The following PLCB1 variants were observed in gnomAD, a reference collection of about 807,000 sequenced individuals.
The protein encoded by PLCB1 is 1-phosphatidylinositol 4,5-bisphosphate phosphodiesterase beta-1.
Under a neutral mutation model 161.8 loss-of-function variants are expected in PLCB1, and 46 were observed. The ratio of observed to expected loss-of-function variants is 0.28; its 90% CI spans 0.22 to 0.36. The LOEUF (loss-of-function observed/expected upper bound fraction) is 0.36. Among genes scored for constraint, PLCB1 ranks in the 10% least tolerant of loss-of-function variants. The pLI, the probability that PLCB1 is intolerant of heterozygous loss-of-function variation, is 1.00. For missense variants in PLCB1, 1,016 were observed against 1,472.5 expected, an observed-to-expected ratio of 0.69 and a Z score of 5.07; for synonymous variants, 517 against 503.7, an observed-to-expected ratio of 1.03 and a Z score of -0.35.
In PLCB1 at chr20:8,218,372, T is replaced by C. The variant is rs775521679; in HGVS notation, c.177+68001T>C. Among the ~76,000 whole-genome samples, 72 of 152,102 alleles carry C rather than the reference T, an allele frequency of 4.7e-4. 1 individual carries two copies. Among genetic ancestry groups the C allele is most frequent in the Non-Finnish European group, 3.7e-4 (25 of 68,010 alleles). On this transcript the variant is annotated intron_variant, in intron 2 of 31. Coordinates refer to ENST00000338037, the MANE Select transcript of PLCB1 (RefSeq NM_015192.4). Reference sequence around the variant, plus strand: ...AGTGGTAGAGCTAACAGTTTTCATATAACAAACTTGCCTCTTTTTCCCCAA... The same window carrying C: ...AGTGGTAGAGCTAACAGTTTTCATACAACAAACTTGCCTCTTTTTCCCCAA...
chr20:8,831,951 T>TTTCTTTCTTTCC (rs1986023374), intron 31 of PLCB1, among the ~76,000 whole-genome samples: 1 of 105,602 alleles, frequency 9.5e-6, no homozygotes, highest in African/African-American at 3.6e-5. Context: ...TCTTTCTTTC[T>TTTCTTTCTTTCC]TTCTTTCTTT....
At chr20:8,820,583 T>A (rs898562245) in intron 31 of PLCB1, among the ~76,000 whole-genome samples, 5 of 152,126 alleles carry the variant, frequency 3.3e-5, no homozygotes, top group African/African-American at 4.8e-5. Flanking sequence ...ATTATCTAGT[T>A]AAGTTGAAGG....
chr20:8,435,623 C>T (rs1156287564), intron 3 of PLCB1, among the ~76,000 whole-genome samples: 1 of 152,126 alleles, frequency 6.6e-6, no homozygotes, highest in Non-Finnish European at 1.5e-5. Context: ...AGCCAGAGCC[C>T]TCAGTCACAG....
At chr20:8,140,408 A>G (rs1210047294) in intron 1 of PLCB1, among the ~76,000 whole-genome samples, 1 of 152,190 alleles carries the variant, frequency 6.6e-6, no homozygotes, top group Non-Finnish European at 1.5e-5. Context: ...TAAATATAAT[A>G]ATCATCTAAG....
intron 23 of PLCB1, among the ~76,000 whole-genome samples, chr20:8,745,602 T>C (rs1221190645): frequency 2.6e-5 from 4 of 151,902 alleles, no homozygotes; most frequent in Non-Finnish European, 5.9e-5. Context: ...GATTATATTA[T>C]ACATATATTA....
At chr20:8,381,917 AT>A (rs199824979) in intron 3 of PLCB1, among the ~76,000 whole-genome samples, 2 of 151,678 alleles carry the variant, frequency 1.3e-5, no homozygotes, top group Non-Finnish European at 2.9e-5. Flanking sequence ...GGATTCATTG[AT>A]TTTTTTTGGA....
In PLCB1 at chr20:8,668,142, G is replaced by GA. The variant is rs1180110774; in HGVS notation, c.862+9449dup. ...GTGGGAGGGAAATAGGTCGAATGCAGAAAAAAAAAAAGCAAACCACAGGGA... is the reference window on the plus strand; with the variant it reads ...GTGGGAGGGAAATAGGTCGAATGCAGAAAAAAAAAAAAGCAAACCACAGGGA... On this transcript the variant is annotated intron_variant, in intron 9 of 31. Transcript: ENST00000338037. Among the ~76,000 whole-genome samples, 885 of 141,978 alleles carry GA rather than the reference G, an allele frequency of 6.2e-3. 1 individual carries two copies. The highest frequency in any genetic ancestry group is 0.01 in the Non-Finnish European group (652 of 64,992). The allele number at this position is 141,978 out of a possible 152,430, so 93.1% of individuals were successfully genotyped here.
chr20:8,174,063 T>A (rs1568578284), intron 2 of PLCB1, among the ~76,000 whole-genome samples: 1 of 152,120 alleles, frequency 6.6e-6, no homozygotes, highest in African/African-American at 2.4e-5. Context: ...CCAGGGGAAT[T>A]GGGCTGAGGA....
intron 2 of PLCB1, among the ~76,000 whole-genome samples, chr20:8,152,474 A>G (rs1268732519): frequency 1.3e-5 from 2 of 152,108 alleles, no homozygotes; most frequent in Non-Finnish European, 2.9e-5. Flanking sequence ...TGGCATGCCA[A>G]GCTTTTAGTG....
At chr20:8,586,332 T>C (rs970676762) in intron 3 of PLCB1, among the ~76,000 whole-genome samples, 1 of 149,550 alleles carries the variant, frequency 6.7e-6, no homozygotes, top group Non-Finnish European at 1.5e-5. Context: ...ACTTCTTCTT[T>C]TTCTTTTTTA....
intron 9 of PLCB1, among the ~76,000 whole-genome samples, chr20:8,664,137 A>C (rs959336024): frequency 1.2e-4 from 18 of 152,116 alleles, no homozygotes; most frequent in African/African-American, 4.3e-4. Context: ...TAAATAATTG[A>C]ATTAATGTAG....
chr20:8,289,823 T>G (rs1467279880), intron 2 of PLCB1, among the ~76,000 whole-genome samples: 2 of 152,164 alleles, frequency 1.3e-5, no homozygotes, highest in East Asian at 1.9e-4. Context: ...CTCCCATGAC[T>G]CCAAACCATT....
At chr20:8,379,383 G>C (rs1256441916) in intron 3 of PLCB1, among the ~76,000 whole-genome samples, 1 of 152,132 alleles carries the variant, frequency 6.6e-6, no homozygotes, top group Non-Finnish European at 1.5e-5. Flanking sequence ...CCCTAACTTT[G>C]CTATTGTAAG....
At chr20:8,522,517 A>G (rs139334783) in intron 3 of PLCB1, among the ~76,000 whole-genome samples, 3 of 152,208 alleles carry the variant, frequency 2.0e-5, no homozygotes, top group East Asian at 3.9e-4. Flanking sequence ...TTTCTCCCCA[A>G]CTGACACACG....
intron 3 of PLCB1, among the ~76,000 whole-genome samples, chr20:8,412,517 C>T (rs1979089921): frequency 6.6e-6 from 1 of 152,172 alleles, no homozygotes; most frequent in East Asian, 1.9e-4. Context: ...TCAAATTATG[C>T]AGTAAGAGAA....
chr20:8,826,823 T>A (rs1052558920), intron 31 of PLCB1, among the ~76,000 whole-genome samples: 1 of 152,226 alleles, frequency 6.6e-6, no homozygotes, highest in Admixed American at 6.5e-5. Flanking sequence ...ACAGGTATGC[T>A]AAATGGTTGT....
At chr20:8,770,370 C>A (rs2146198827) in intron 26 of PLCB1, among the ~76,000 whole-genome samples, 1 of 152,334 alleles carries the variant, frequency 6.6e-6, no homozygotes, top group East Asian at 1.9e-4. Flanking sequence ...GTTACACAGC[C>A]AGTTCAAGCA....
intron 24 of PLCB1, among the ~76,000 whole-genome samples, chr20:8,759,394 C>T (rs1981900837): frequency 6.6e-6 from 1 of 152,174 alleles, no homozygotes; most frequent in Non-Finnish European, 1.5e-5. Context: ...TGCAAATATC[C>T]TGTTCTTCCT....
chr20:8,137,569 T>C (rs1033903537), intron 1 of PLCB1, among the ~76,000 whole-genome samples: 1 of 152,334 alleles, frequency 6.6e-6, no homozygotes, highest in Admixed American at 6.5e-5. Flanking sequence ...CATAACTCTT[T>C]TGCAAGCAAA....
Sources: allele counts gnomAD v4.1 joint callset (sites outside exome capture counted in the v4.1 genomes callset), GRCh38; gene constraint gnomAD v4.1.1; transcripts MANE v1.5; gene names NCBI Gene and HGNC (gene_info 2026-07-23, HGNC 2026-07-21).